Variants in TEAD3 observed in about 807,000 individuals in gnomAD.
TEAD3 encodes the protein transcriptional enhancer factor TEF-5.
In TEAD3, 15 loss-of-function variants were observed where a neutral mutation model predicts 55.6. The observed-to-expected ratio is 0.27, with a 90% CI of 0.18 to 0.42. The LOEUF is 0.42. Ranked by LOEUF, TEAD3 falls within the 10% of genes least tolerant of loss-of-function variation. The pLI, the probability that TEAD3 is intolerant of heterozygous loss-of-function variation, is 1.00. For synonymous variants in TEAD3, 210 were observed against 232.2 expected, an observed-to-expected ratio of 0.90 and a Z score of 0.87; for missense variants, 407 against 576.8, an observed-to-expected ratio of 0.71 and a Z score of 3.01.
At chr6:35,480,049 G>A in intron 4 of TEAD3, 1 of 1,502,008 alleles carries the variant, frequency 6.7e-7, no homozygotes, top group Non-Finnish European at 9.0e-7. Context: ...CAGGTGGCAG[G>A]GGCCCCGTAC....
chr6:35,480,132 GAGAA>G (rs763944020), intron 3 of TEAD3, 176 bp downstream of exon 4: 7 of 1,547,320 alleles, frequency 4.5e-6, no homozygotes, highest in South Asian at 3.6e-5. Flanking sequence ...CCTGTAGAGA[GAGAA>G]AGAAAGAGAA....
chr6:35,479,454 C>T, intron 4 of TEAD3, 138 bp from the exon 5 acceptor site: 1 of 1,057,766 alleles, frequency 9.5e-7, no homozygotes, highest in Non-Finnish European at 1.4e-6. Context: ...CTCAGCAGAC[C>T]CTCCCCGTCC....
chr6:35,479,347 G>A (rs1208638886), intron 4 of TEAD3, 31 bp from the exon 5 acceptor site: 1 of 1,613,774 alleles, frequency 6.2e-7, no homozygotes, highest in African/African-American at 1.3e-5. Flanking sequence ...ATAGATTAGA[G>A]GACATGTGCA....
At chr6:35,493,207 A>G (rs1256624707) in intron 1 of TEAD3, among the ~76,000 whole-genome samples, 1 of 152,202 alleles carries the variant, frequency 6.6e-6, no homozygotes, top group Non-Finnish European at 1.5e-5. Flanking sequence ...GTGATAAAAT[A>G]TACATAACAT....
intron 3 of TEAD3, 129 bp from the exon 4 acceptor site, chr6:35,480,503 C>A: frequency 3.2e-6 from 3 of 944,038 alleles, no homozygotes; most frequent in Non-Finnish European, 4.9e-6. Context: ...AATGGGGGGA[C>A]CTTTTTTCTT....
chr6:35,492,336 C>T (rs1768540538), intron 1 of TEAD3, among the ~76,000 whole-genome samples: 1 of 152,140 alleles, frequency 6.6e-6, no homozygotes, highest in South Asian at 2.1e-4. Flanking sequence ...TCCCTCCTCC[C>T]CTACCCGCCC....
In TEAD3 at chr6:35,488,316, G is replaced by T. The variant is rs186361032; in HGVS notation, c.-49-1605C>A. Among the ~76,000 whole-genome samples, 204 of 152,142 alleles carry T rather than the reference G, an allele frequency of 1.3e-3. 1 individual carries two copies. The highest frequency in any genetic ancestry group is 2.5e-3 in the Non-Finnish European group (168 of 67,992). Reference sequence around the variant, plus strand: ...CATGTGGGCCAGGGCTCTGTAAACTGTGAGTGCCCTGAACCTGCCAGGCTA... The same window carrying T: ...CATGTGGGCCAGGGCTCTGTAAACTTTGAGTGCCCTGAACCTGCCAGGCTA... On this transcript the variant is annotated intron_variant, in intron 1 of 12. Coordinates refer to ENST00000639578, the Ensembl canonical transcript of TEAD3. The surrounding 1 kb of genome is among the most constrained non-coding windows in gnomAD (Gnocchi z 4.2).
In TEAD3 at chr6:35,486,405, G is replaced by A. The variant is rs528922497; in HGVS notation, c.202+56C>T. The stretch of plus-strand genomic sequence containing the variant: ...CGACGTCACCAAACCGGTTGGGTGA[G>A]AGGGCAGAGAGCAGGGGGAAGGGCC... On this transcript the variant is annotated intron_variant, in intron 2 of 12. Coordinates refer to ENST00000639578, the Ensembl canonical transcript of TEAD3. The surrounding 1 kb of genome is among the most constrained non-coding windows in gnomAD (Gnocchi z 7.3). The A allele has an allele frequency of 7.4e-4, 1,149 of 1,559,596 alleles. 2 individuals are homozygous for A. The highest frequency in any genetic ancestry group is 2.6e-3 in the Middle Eastern group (15 of 5,828).
At chr6:35,476,366 G>A (rs1768148096) in exon 9 of TEAD3, 5 of 1,612,838 alleles carry the variant, frequency 3.1e-6, no homozygotes, top group Non-Finnish European at 4.2e-6. Flanking sequence ...CCGGGAGGAG[G>A]CAATGGTACG....
rs374944915 is a variant in TEAD3, at chr6:35,475,704, G to A, written c.903C>T (p.Ala301=). The A allele has an allele frequency of 6.8e-4, 1,087 of 1,591,240 alleles. 1 individual carries two copies. Among genetic ancestry groups the A allele is most frequent in the South Asian group, 9.8e-4 (86 of 88,132 alleles). ...CCTCCTGGATGGTGCTGTTGAGGTC[G>A]GCCTGGGCATGGGGGTGGGGGGTGT... Residue 301 remains alanine, a splice_region_variant and synonymous_variant, in exon 11 of 13, where the codon GCC becomes GCT. Transcript: ENST00000639578. The surrounding 1 kb of genome is among the most constrained non-coding windows in gnomAD (Gnocchi z 5.4).
Position 35,475,291 on chromosome 6 carries a change from G to T in TEAD3, c.1194+45C>A. On this transcript the variant is annotated intron_variant, in intron 12 of 12. Transcript: ENST00000639578. The surrounding 1 kb of genome is among the most constrained non-coding windows in gnomAD (Gnocchi z 5.4). ...GATGTGTCTGGCTACCCAACTTGGA[G>T]GCCCTGGCCTGTGGGACTCCCCACG... 1 of 1,607,948 alleles carries T rather than the reference G, an allele frequency of 6.2e-7. No individual in the cohort carries two copies. Among genetic ancestry groups the T allele is most frequent in the Non-Finnish European group, 8.5e-7 (1 of 1,176,148 alleles).
In TEAD3 at chr6:35,491,229, C is replaced by T. The variant is rs1248307287; in HGVS notation, c.-49-4518G>A. Among the ~76,000 whole-genome samples, 1 of 150,852 alleles carries T rather than the reference C, an allele frequency of 6.6e-6. No homozygotes were observed. The highest frequency in any genetic ancestry group is 2.1e-4 in the South Asian group (1 of 4,724). ...GGAGGCAGGGCGGGGGAGTGCTGGA[C>T]CCTCAGACCCACAGACTGACAGACA... On this transcript the variant is annotated intron_variant, in intron 1 of 12. Transcript: ENST00000639578. This position sits in a 1 kb window ranked among gnomAD's most constrained non-coding sequence, Gnocchi z 4.4.
At chr6:35,478,973 G>A (rs1356039297) in intron 5 of TEAD3, among the ~76,000 whole-genome samples, 2 of 147,744 alleles carry the variant, frequency 1.4e-5, no homozygotes, top group Non-Finnish European at 3.0e-5. Context: ...TCTGCCTCCT[G>A]AGTTCAAGCA....
intron 1 of TEAD3, among the ~76,000 whole-genome samples, chr6:35,495,370 A>T (rs1768618829): frequency 6.6e-6 from 1 of 152,142 alleles, no homozygotes; most frequent in African/African-American, 2.4e-5. Flanking sequence ...CCACTCTAAC[A>T]AGCCATTCCC....
rs374788234 is a variant in TEAD3 at position 35,475,414 on chromosome 6, G to T, written c.1116C>A (p.Ile372=). The T allele has an allele frequency of 3.1e-6, 5 of 1,613,952 alleles. No homozygotes were observed. The highest frequency in any genetic ancestry group is 4.2e-6 in the Non-Finnish European group (5 of 1,180,002). ...GGTGCTTCAGCTTGTGGATGAAGTT[G>T]ATCATGTACTCGCACATGGGCGAGC... The change falls in exon 12 of 13, where the codon ATC becomes ATA. Residue 372 remains isoleucine (I), a synonymous_variant. Coordinates refer to ENST00000639578, the Ensembl canonical transcript of TEAD3. This position sits in a 1 kb window ranked among gnomAD's most constrained non-coding sequence, Gnocchi z 5.4.
chr6:35,482,750 T>A (rs1452447564), intron 3 of TEAD3, among the ~76,000 whole-genome samples: 1 of 152,054 alleles, frequency 6.6e-6, no homozygotes, highest in African/African-American at 2.4e-5. Flanking sequence ...CATTTTTATA[T>A]TAATTATAAA....
rs370512938 is a variant in TEAD3, at chr6:35,479,320, T to C, written c.331-4A>G. The C allele has an allele frequency of 2.5e-6, 4 of 1,613,748 alleles. No individual in the cohort carries two copies. The African/African-American group carries it at 4.0e-5, about 16-fold the overall frequency. ...TGCTACTTACCAGGTTCATGGCCTGTGAGGGAGAGAAGGAAGATAGATTAG... is the reference window on the plus strand; with the variant it reads ...TGCTACTTACCAGGTTCATGGCCTGCGAGGGAGAGAAGGAAGATAGATTAG... On this transcript the variant is annotated splice_region_variant and splice_polypyrimidine_tract_variant and intron_variant, in intron 4 of 12. Transcript: ENST00000639578.
At chr6:35,479,271 C>T (rs1403585595) in intron 5 of TEAD3, 34 bp downstream of exon 5, 1 of 1,612,402 alleles carries the variant, frequency 6.2e-7, no homozygotes, top group African/African-American at 1.3e-5. Context: ...AGACCCTTTC[C>T]CCCACTCCCA....
In TEAD3 at chr6:35,483,340, C is replaced by G. The variant is rs1432896564; in HGVS notation, c.267+1220G>C. ...TCTGTGGGTCCAAATCCCACCAGGA[C>G]AGGAGGCTGGGAGTGTGAGGGTAGC... On this transcript the variant is annotated intron_variant, in intron 3 of 12. Coordinates refer to ENST00000639578, the Ensembl canonical transcript of TEAD3. This position sits in a 1 kb window ranked among gnomAD's most constrained non-coding sequence, Gnocchi z 4.5. Among the ~76,000 whole-genome samples, 2 of 152,064 alleles carry G rather than the reference C, an allele frequency of 1.3e-5. No individual in the cohort carries two copies. Among genetic ancestry groups the G allele is most frequent in the East Asian group, 3.9e-4 (2 of 5,192 alleles).
Sources: allele counts gnomAD v4.1 joint callset (sites outside exome capture counted in the v4.1 genomes callset), GRCh38; gene constraint gnomAD v4.1.1; non-coding constraint Gnocchi (gnomAD v3.1); transcripts MANE v1.5; gene names NCBI Gene and HGNC (gene_info 2026-07-23, HGNC 2026-07-21).